The following GALNT17 variants were observed in gnomAD, a reference collection of about 807,000 sequenced individuals.
GALNT17 encodes polypeptide N-acetylgalactosaminyltransferase 17.
A neutral mutation model predicts 63.7 loss-of-function variants in GALNT17; 29 were observed. The observed-to-expected ratio is 0.46, with a 90% CI of 0.34 to 0.62. GALNT17 has a LOEUF of 0.62. GALNT17 is among the 20% of genes least tolerant of loss of function. GALNT17 has a pLI of 0.01. For missense variants in GALNT17, 603 were observed against 799.6 expected, an observed-to-expected ratio of 0.75 and a Z score of 2.97; for synonymous variants, 305 against 318.3, an observed-to-expected ratio of 0.96 and a Z score of 0.45.
chr7:71,449,108 CT>C (rs59368494), intron 5 of GALNT17, among the ~76,000 whole-genome samples: 21 of 72,748 alleles, frequency 2.9e-4, no homozygotes, highest in Admixed American at 2.8e-3. Flanking sequence ...TGCCTATTTT[CT>C]TTTTTTTTTT....
chr7:71,212,143 C>T (rs1789392849), intron 1 of GALNT17, among the ~76,000 whole-genome samples: 1 of 152,202 alleles, frequency 6.6e-6, no homozygotes, highest in South Asian at 2.1e-4. Context: ...GTTTTGTGGG[C>T]CTGGCCCAGG....
At chr7:71,303,125 A>T (rs1791230303) in intron 1 of GALNT17, among the ~76,000 whole-genome samples, 1 of 149,792 alleles carries the variant, frequency 6.7e-6, no homozygotes, top group Non-Finnish European at 1.5e-5. Flanking sequence ...AGCCTCCCAA[A>T]TTGCTGAGAT....
chr7:71,231,753 A>AGG (rs1463893795), intron 1 of GALNT17, among the ~76,000 whole-genome samples: 1 of 150,540 alleles, frequency 6.6e-6, no homozygotes, highest in African/African-American at 2.5e-5. Context: ...GGAGAGGGAG[A>AGG]GAGAGAGAGA....
At chr7:71,459,939 A>G (rs1218419969) in intron 5 of GALNT17, among the ~76,000 whole-genome samples, 2 of 152,122 alleles carry the variant, frequency 1.3e-5, no homozygotes, top group Non-Finnish European at 2.9e-5. Context: ...GACACACTCA[A>G]CCAGTTGTCA....
chr7:71,442,055 G>C (rs1175035434), intron 5 of GALNT17, among the ~76,000 whole-genome samples: 1 of 152,236 alleles, frequency 6.6e-6, no homozygotes, highest in East Asian at 1.9e-4. Context: ...TGGAGGAATC[G>C]CCACACTGTC....
chr7:71,468,336 A>G (rs1787571292), intron 5 of GALNT17, among the ~76,000 whole-genome samples: 1 of 151,242 alleles, frequency 6.6e-6, no homozygotes, highest in Admixed American at 6.6e-5. Flanking sequence ...AGTCTTTTCT[A>G]GGGCATTCTT....
At chr7:71,581,738 C>G (rs779743055) in intron 6 of GALNT17, among the ~76,000 whole-genome samples, 6 of 152,112 alleles carry the variant, frequency 3.9e-5, no homozygotes, top group Admixed American at 6.5e-5. Flanking sequence ...ATAGAGGACT[C>G]TGGTAGGGTA....
intron 1 of GALNT17, among the ~76,000 whole-genome samples, chr7:71,156,612 TCCTTCCTC>T (rs1393169875): frequency 2.0e-5 from 3 of 149,186 alleles, no homozygotes; most frequent in Middle Eastern, 3.4e-3. Flanking sequence ...CTTCCTTCCT[TCCTTCCTC>T]CATTCTTTGC....
intron 1 of GALNT17, among the ~76,000 whole-genome samples, chr7:71,281,790 T>G (rs147816795): frequency 6.6e-6 from 1 of 152,232 alleles, no homozygotes; most frequent in Non-Finnish European, 1.5e-5. Flanking sequence ...CATTTTGACC[T>G]AACCACCTCC....
At chr7:71,430,098 T>C (rs1374744818) in intron 5 of GALNT17, among the ~76,000 whole-genome samples, 1 of 152,084 alleles carries the variant, frequency 6.6e-6, no homozygotes, top group African/African-American at 2.4e-5. Context: ...CCTCTTCCCT[T>C]ATTCTCCCAA....
chr7:71,441,933 CA>C (rs1787074700), intron 5 of GALNT17, among the ~76,000 whole-genome samples: 2 of 152,070 alleles, frequency 1.3e-5, no homozygotes, highest in African/African-American at 4.8e-5. Context: ...AATAGTGCTG[CA>C]ATAAACGTAT....
At chr7:71,357,838 T>C (rs954558541) in intron 2 of GALNT17, among the ~76,000 whole-genome samples, 1 of 152,132 alleles carries the variant, frequency 6.6e-6, no homozygotes, top group African/African-American at 2.4e-5. Flanking sequence ...GCATCAGGAT[T>C]ATAACATGCA....
intron 3 of GALNT17, among the ~76,000 whole-genome samples, chr7:71,397,120 A>C (rs1361605009): frequency 6.6e-6 from 1 of 151,972 alleles, no homozygotes; most frequent in Non-Finnish European, 1.5e-5. Context: ...TTGCTTAATT[A>C]CCTCCTCTAT....
chr7:71,307,685 C>G (rs1791331573), intron 1 of GALNT17: 1 of 152,536 alleles, frequency 6.6e-6, no homozygotes, highest in African/African-American at 2.4e-5. Context: ...AGTTCCTACT[C>G]AACTTCTCAT....
chr7:71,664,911 A>G (rs759878069), intron 6 of GALNT17, among the ~76,000 whole-genome samples: 7 of 152,286 alleles, frequency 4.6e-5, no homozygotes, highest in Non-Finnish European at 1.0e-4. Context: ...TATATGTTTT[A>G]GTCAGGTTAG....
At chr7:71,540,373 T>TC (rs1788869642) in intron 5 of GALNT17, among the ~76,000 whole-genome samples, 2 of 151,838 alleles carry the variant, frequency 1.3e-5, no homozygotes, top group Admixed American at 6.6e-5. Flanking sequence ...CACCTTCGCC[T>TC]CCCAAAGTGC....
At chr7:71,338,595 T>G (rs1354529109) in intron 2 of GALNT17, among the ~76,000 whole-genome samples, 1 of 152,100 alleles carries the variant, frequency 6.6e-6, no homozygotes, top group African/African-American at 2.4e-5. Flanking sequence ...AAGAATTACT[T>G]ATTTTCTGCT....
chr7:71,421,149 C>G, intron 5 of GALNT17, 44 bp downstream of exon 5: 1 of 1,606,408 alleles, frequency 6.2e-7, no homozygotes, highest in South Asian at 1.1e-5. Context: ...CCCCCAAATT[C>G]AAGGGTAAAA....
chr7:71,337,491 C>T (rs1416489736), intron 2 of GALNT17, among the ~76,000 whole-genome samples: 2 of 152,152 alleles, frequency 1.3e-5, no homozygotes, highest in Non-Finnish European at 2.9e-5. Context: ...CCTTCCAATA[C>T]TGGGTACTAG....
Sources: gnomAD v4.1 joint callset for allele counts (sites outside exome capture counted in the v4.1 genomes callset) on GRCh38, gnomAD v4.1.1 for gene constraint, MANE v1.5 for transcripts, NCBI Gene and HGNC (gene_info 2026-07-23, HGNC 2026-07-21) for gene names.